Variants in ZBED3 observed in about 807,000 individuals in gnomAD.
The protein encoded by ZBED3 is zinc finger BED domain-containing protein 3.
For missense variants in ZBED3, 388 were observed against 362.9 expected (o/e 1.07, Z -0.56); for synonymous variants, 175 against 180.0 (o/e 0.97, Z 0.22).
chr5:77,072,420 T>G lies in ZBED3; in HGVS notation c.*4754A>C, dbSNP rs1416743614. The G allele has an allele frequency of 6.6e-6, 1 of 152,184 alleles. No homozygotes were observed. Among genetic ancestry groups the G allele is most frequent in the African/African-American group, 2.4e-5 (1 of 41,442 alleles). The allele number at this position is 152,184 out of a possible 1,614,324, so 9.4% of individuals were successfully genotyped here. A position where few individuals can be genotyped will look rare whatever the true frequency, so the allele number is the denominator to read the frequency against. ...AATAATTGGCAGTTCTTTTAAAAAA[T>G]CAAATTTATCCTGGAAAGAGGAGTA... On this transcript the variant is annotated 3_prime_UTR_variant, in exon 3 of 3. Transcript: ENST00000255198.
intron 1 of ZBED3, among the ~76,000 whole-genome samples, chr5:77,079,716 T>A (rs1201780422): frequency 6.6e-6 from 1 of 152,192 alleles, no homozygotes; most frequent in Non-Finnish European, 1.5e-5. Context: ...GCATAGAAAA[T>A]CTTTAGAAAT....
intron 1 of ZBED3, among the ~76,000 whole-genome samples, chr5:77,086,045 T>C (rs924801179): frequency 3.3e-5 from 5 of 152,264 alleles, no homozygotes; most frequent in Admixed American, 3.3e-4. Flanking sequence ...ACTCTCTCTC[T>C]CTATTAATGC....
In ZBED3 at chr5:77,077,412, G is replaced by A; in HGVS notation, c.467C>T (p.Ala156Val). Residue 156 changes from alanine (A) to valine (V), a missense_variant, in exon 3 of 3, where the codon GCC becomes GTC. By Grantham distance (64) the Ala-to-Val change is moderately conservative. Coordinates refer to ENST00000255198, the MANE Select transcript of ZBED3 (RefSeq NM_032367.4). ...CAGGGCGCGCTCGCCCTGCTCCACG[G>A]CCAGCTCGCGCCGCTCCAGCTCCCG... ...RERELERREL[A>V]VEQGERALER... The A allele has an allele frequency of 2.4e-6, 3 of 1,238,974 alleles. No homozygotes were observed. The highest frequency in any genetic ancestry group is 3.0e-6 in the Non-Finnish European group (3 of 989,500). 76.7% of individuals were successfully genotyped at this position (1,238,974 alleles called of 1,614,324 possible). A position where few individuals can be genotyped will look rare whatever the true frequency, so the allele number is the denominator to read the frequency against.
intron 1 of ZBED3, chr5:77,080,284 A>G (rs1302559238): frequency 1.8e-5 from 6 of 334,354 alleles, no homozygotes; most frequent in African/African-American, 1.3e-4. Context: ...GGGTTTCCTT[A>G]AAAACTGGAA....
chr5:77,081,548 G>C (rs1743129884), intron 1 of ZBED3, among the ~76,000 whole-genome samples: 1 of 151,854 alleles, frequency 6.6e-6, no homozygotes, highest in South Asian at 2.1e-4. Context: ...CAGGGTCTCT[G>C]TTGCCCAGGC....
chr5:77,077,502 T>TCGGGGGC lies in ZBED3; in HGVS notation c.370_376dup (p.Glu126GlyfsTer80). 1.7e-6 allele frequency: 2 copies of TCGGGGGC among 1,192,222 alleles called. No homozygotes were observed. Among genetic ancestry groups the TCGGGGGC allele is most frequent in the Non-Finnish European group, 2.1e-6 (2 of 965,522 alleles). 73.9% of individuals were successfully genotyped at this position (1,192,222 alleles called of 1,614,324 possible). A position where few individuals can be genotyped will look rare whatever the true frequency, so the allele number is the denominator to read the frequency against. ...TTCCAGCAGGCGCGCCCAGTCGCCC[T>TCGGGGGC]CGGGGGCCGCAGCGGGGCCGGGCGG... On this transcript the variant is annotated frameshift_variant, in exon 3 of 3. Coordinates refer to ENST00000255198, the MANE Select transcript of ZBED3 (RefSeq NM_032367.4). LOFTEE classifies it low-confidence loss of function (END_TRUNC).
intron 1 of ZBED3, among the ~76,000 whole-genome samples, chr5:77,086,035 ACTCT>A (rs199509031): frequency 4.2e-4 from 64 of 152,156 alleles, no homozygotes; most frequent in African/African-American, 1.1e-3. Context: ...GCAGAGAAGC[ACTCT>A]CTCTCTCTAT....
chr5:77,086,975 A>T (rs956125443), intron 1 of ZBED3, 136 bp downstream of exon 1: 1 of 152,202 alleles, frequency 6.6e-6, no homozygotes. Context: ...GGCCCGGAGA[A>T]GGGCAGCCCA....
At chr5:77,083,802 A>G (rs1011685785) in intron 1 of ZBED3, among the ~76,000 whole-genome samples, 4 of 152,144 alleles carry the variant, frequency 2.6e-5, no homozygotes, top group Non-Finnish European at 5.9e-5. Flanking sequence ...TACCCCTTAA[A>G]TTTATTTTCA....
chr5:77,084,408 T>C (rs1018560977), intron 1 of ZBED3, among the ~76,000 whole-genome samples: 2 of 152,186 alleles, frequency 1.3e-5, no homozygotes, highest in Admixed American at 1.3e-4. Flanking sequence ...CGAGAAGCCC[T>C]TTTCGCTTGA....
intron 1 of ZBED3, among the ~76,000 whole-genome samples, chr5:77,084,438 C>T (rs765662266): frequency 1.8e-4 from 28 of 152,174 alleles, no homozygotes; most frequent in Non-Finnish European, 2.5e-4. Context: ...TAGCTCATGC[C>T]GCAGCCAGGT....
At position 77,077,307 on chromosome 5, in the gene ZBED3, G is replaced by C. The variant is rs1446262847; in HGVS notation, c.572C>G (p.Ala191Gly). 7.5e-7 allele frequency: 1 copy of C among 1,327,640 alleles called. No homozygotes were observed. The highest frequency in any genetic ancestry group is 9.6e-7 in the Non-Finnish European group (1 of 1,043,964). The allele number at this position is 1,327,640 out of a possible 1,614,324, so 82.2% of individuals were successfully genotyped here. A position where few individuals can be genotyped will look rare whatever the true frequency, so the allele number is the denominator to read the frequency against. The change falls in exon 3 of 3, where the codon GCG becomes GGG. Residue 191 changes from alanine to glycine, a missense_variant. Ala to Gly is a moderately conservative substitution (Grantham distance 60, BLOSUM62 0). Transcript: ENST00000255198. ...ARRELQAEREALQARLRDVSR... is the reference protein window; with the variant it reads ...ARRELQAEREGLQARLRDVSR... ...CACATCCCGCAGCCGCGCCTGCAGCGCCTCCCGCTCGGCCTGCAGTTCCCG... is the reference window on the plus strand; with the variant it reads ...CACATCCCGCAGCCGCGCCTGCAGCCCCTCCCGCTCGGCCTGCAGTTCCCG...
intron 1 of ZBED3, among the ~76,000 whole-genome samples, chr5:77,080,801 G>GGAAGGGGT (rs1178409302): frequency 2.0e-5 from 3 of 152,204 alleles, no homozygotes; most frequent in African/African-American, 4.8e-5. Context: ...GGGTGGCGTG[G>GGAAGGGGT]GAGGGATAGC....
intron 1 of ZBED3, among the ~76,000 whole-genome samples, chr5:77,084,255 A>G (rs945868696): frequency 5.3e-5 from 8 of 152,176 alleles, no homozygotes; most frequent in African/African-American, 1.7e-4. Context: ...TCCCCACCCA[A>G]ATCTCATCCT....
chr5:77,078,742 C>T lies in ZBED3; in HGVS notation c.-152-14G>A, dbSNP rs1743074860. 6.6e-6 allele frequency: 1 copy of T among 152,232 alleles called. No homozygotes were observed. The highest frequency in any genetic ancestry group is 6.5e-5 in the Admixed American group (1 of 15,282). 9.4% of individuals were successfully genotyped at this position (152,232 alleles called of 1,614,324 possible). On this transcript the variant is annotated splice_polypyrimidine_tract_variant and intron_variant, in intron 1 of 2. Transcript: ENST00000255198. ...CCATCAGCAGTGCTAGGAGTAAATTCAGAGGACAGGCAGGCCAGTGAAAGA... is the reference window on the plus strand; with the variant it reads ...CCATCAGCAGTGCTAGGAGTAAATTTAGAGGACAGGCAGGCCAGTGAAAGA...
chr5:77,082,429 G>A (rs944450004), intron 1 of ZBED3, among the ~76,000 whole-genome samples: 1 of 152,122 alleles, frequency 6.6e-6, no homozygotes, highest in African/African-American at 2.4e-5. Context: ...GGAAGCAAGG[G>A]AATGCCTACC....
intron 1 of ZBED3, among the ~76,000 whole-genome samples, chr5:77,082,684 C>G (rs1410942929): frequency 6.6e-6 from 1 of 151,814 alleles, no homozygotes; most frequent in East Asian, 1.9e-4. Context: ...ATGGTTGAGG[C>G]AATGGTAACT....
intron 1 of ZBED3, among the ~76,000 whole-genome samples, chr5:77,080,867 G>A (rs922327922): frequency 6.6e-6 from 1 of 152,162 alleles, no homozygotes; most frequent in Non-Finnish European, 1.5e-5. Context: ...ACACCAACAT[G>A]GCACATGTAT....
rs1301765539 is a variant in ZBED3, at chr5:77,072,337, TCA to T, written c.*4835_*4836del. The T allele has an allele frequency of 1.3e-5, 2 of 152,194 alleles. No individual in the cohort carries two copies. The highest frequency in any genetic ancestry group is 4.8e-5 in the African/African-American group (2 of 41,450). The allele number at this position is 152,194 out of a possible 1,614,324, so 9.4% of individuals were successfully genotyped here. ...TAATTATCATTGTTTTATTATAATC[TCA>T]CCTTATTAACCAGAAATGTTAATCT... On this transcript the variant is annotated 3_prime_UTR_variant, in exon 3 of 3. Transcript: ENST00000255198.
Sources: gnomAD v4.1 joint callset for allele counts (sites outside exome capture counted in the v4.1 genomes callset) on GRCh38, gnomAD v4.1.1 for gene constraint, MANE v1.5 for transcripts, NCBI Gene and HGNC (gene_info 2026-07-23, HGNC 2026-07-21) for gene names.